The following ZCCHC4 variants were observed in gnomAD, a reference collection of about 807,000 sequenced individuals.
The protein encoded by ZCCHC4 is zinc finger CCHC-type containing 4.
A neutral mutation model predicts 67.7 loss-of-function variants in ZCCHC4; 54 were observed. The ratio of observed to expected loss-of-function variants is 0.80; its 90% CI spans 0.64 to 1.00. The LOEUF is 1.00. Among genes scored for constraint, ZCCHC4 ranks in the 50% least tolerant of loss-of-function variants. The probability of loss-of-function intolerance (pLI) is 0.00; values close to 1 mark genes in which losing one functional copy is unlikely to be tolerated. For synonymous variants in ZCCHC4, 198 were observed against 213.5 expected, an observed-to-expected ratio of 0.93 and a Z score of 0.63; for missense variants, 609 against 617.0, an observed-to-expected ratio of 0.99 and a Z score of 0.14.
At chr4:25,345,762 C>G in intron 6 of ZCCHC4, 142 bp downstream of exon 6, 1 of 625,062 alleles carries the variant, frequency 1.6e-6, no homozygotes. Context: ...TTTGTTCTTT[C>G]ACTGTTTATT....
intron 8 of ZCCHC4, chr4:25,352,106 G>C (rs1293325286): frequency 1.0e-6 from 1 of 987,776 alleles, no homozygotes; most frequent in Non-Finnish European, 1.2e-6. Context: ...CTTTGTGGTT[G>C]GTGAAATGCC....
At chr4:25,364,937 T>C in intron 11 of ZCCHC4, 85 bp from the exon 12 acceptor site, 3 of 1,562,578 alleles carry the variant, frequency 1.9e-6, no homozygotes, top group East Asian at 2.3e-5. Flanking sequence ...AAGTAAACAC[T>C]GTTCGTATAT....
At chr4:25,324,153 A>G (rs912705731) in intron 3 of ZCCHC4, among the ~76,000 whole-genome samples, 1 of 148,936 alleles carries the variant, frequency 6.7e-6, no homozygotes, top group Non-Finnish European at 1.5e-5. Context: ...CTGGGACTAC[A>G]GGTGCACACC....
chr4:25,357,925 A>G (rs975994626), intron 8 of ZCCHC4, among the ~76,000 whole-genome samples: 2 of 152,186 alleles, frequency 1.3e-5, no homozygotes, highest in Non-Finnish European at 2.9e-5. Flanking sequence ...TTGCATTCCT[A>G]ATGAGATCCC....
intron 10 of ZCCHC4, among the ~76,000 whole-genome samples, chr4:25,362,683 A>C (rs1047809727): frequency 3.3e-5 from 5 of 152,182 alleles, no homozygotes; most frequent in Non-Finnish European, 5.9e-5. Context: ...TGTACTGTGC[A>C]CTTTTAATAT....
intron 1 of ZCCHC4, among the ~76,000 whole-genome samples, chr4:25,313,447 C>T (rs368474141): frequency 6.6e-6 from 1 of 152,184 alleles, no homozygotes; most frequent in East Asian, 1.9e-4. Flanking sequence ...GTTTTAGTCT[C>T]AGGTTTGTAA....
At chr4:25,366,899 C>T (rs147533158) in intron 12 of ZCCHC4, among the ~76,000 whole-genome samples, 1 of 152,192 alleles carries the variant, frequency 6.6e-6, no homozygotes, top group Non-Finnish European at 1.5e-5. Context: ...AGGACTAGAT[C>T]TTATCAGGTT....
chr4:25,364,532 A>T (rs1479040838), intron 11 of ZCCHC4, 27 bp downstream of exon 11: 1 of 1,523,830 alleles, frequency 6.6e-7, no homozygotes, highest in Non-Finnish European at 8.8e-7. Context: ...AGTGTTTGAG[A>T]TCCTATGAAC....
intron 5 of ZCCHC4, 58 bp from the exon 6 acceptor site, chr4:25,345,490 T>A (rs935302748): frequency 3.2e-6 from 3 of 951,512 alleles, no homozygotes; most frequent in Non-Finnish European, 1.6e-6. Flanking sequence ...AAAATTTAGT[T>A]TATATTTGTC....
chr4:25,363,916 G>A (rs1406801167), intron 10 of ZCCHC4, among the ~76,000 whole-genome samples: 1 of 152,044 alleles, frequency 6.6e-6, no homozygotes, highest in Non-Finnish European at 1.5e-5. Context: ...CCAGAGGGCT[G>A]GTGGTATTTT....
rs1348592904 is a variant in ZCCHC4 at position 25,351,769 on chromosome 4, T to C, written c.1011+80T>C. ...ATAGATATAAGACTATTCATTGATT[T>C]TAGTAAAATACAATGAGCTGTATTA... On this transcript the variant is annotated intron_variant, in intron 8 of 12. Coordinates refer to ENST00000302874, the MANE Select transcript of ZCCHC4 (RefSeq NM_024936.3). 2.3e-6 allele frequency: 3 copies of C among 1,290,456 alleles called. No individual in the cohort carries two copies. In the African/African-American group the frequency reaches 4.5e-5, roughly 19 times the overall value. The allele number at this position is 1,290,456 out of a possible 1,614,324, so 79.9% of individuals were successfully genotyped here.
intron 10 of ZCCHC4, among the ~76,000 whole-genome samples, chr4:25,363,224 T>TA (rs1720822184): frequency 6.6e-6 from 1 of 152,246 alleles, no homozygotes; most frequent in African/African-American, 2.4e-5. Context: ...TTACTGTCTC[T>TA]ATAGTTTTTC....
Position 25,314,044 on chromosome 4 carries a change from A to G in ZCCHC4, c.128-2A>G. On this transcript the variant is annotated splice_acceptor_variant, in intron 1 of 12. Coordinates refer to ENST00000302874, the MANE Select transcript of ZCCHC4 (RefSeq NM_024936.3). LOFTEE classifies it high-confidence loss of function. The stretch of plus-strand genomic sequence containing the variant: ...TTTTTTTTTTTTCTATTCTGGAACT[A>G]GGACCCACTCTTCTGTTTGTAAAGG... 1 of 1,521,010 alleles carries G rather than the reference A, an allele frequency of 6.6e-7. No individual in the cohort carries two copies. The highest frequency in any genetic ancestry group is 9.0e-7 in the Non-Finnish European group (1 of 1,117,014). 94.2% of individuals were successfully genotyped at this position (1,521,010 alleles called of 1,614,324 possible). A position where few individuals can be genotyped will look rare whatever the true frequency, so the allele number is the denominator to read the frequency against.
intron 8 of ZCCHC4, among the ~76,000 whole-genome samples, chr4:25,356,186 G>C (rs1418572644): frequency 6.6e-6 from 1 of 152,126 alleles, no homozygotes; most frequent in Non-Finnish European, 1.5e-5. Flanking sequence ...AGTTCCATGG[G>C]AGAAATTTTC....
At chr4:25,367,549 G>A (rs1170890202) in intron 12 of ZCCHC4, among the ~76,000 whole-genome samples, 1 of 152,086 alleles carries the variant, frequency 6.6e-6, no homozygotes, top group Non-Finnish European at 1.5e-5. Context: ...ATTTCATTAA[G>A]TTTGCTAAAT....
intron 5 of ZCCHC4, among the ~76,000 whole-genome samples, chr4:25,335,767 AT>A (rs1223952712): frequency 6.6e-6 from 1 of 152,242 alleles, no homozygotes; most frequent in East Asian, 1.9e-4. Flanking sequence ...TCTCAAAAAA[AT>A]AAAATGAAGT....
At chr4:25,320,943 C>T (rs1463996719) in intron 3 of ZCCHC4, among the ~76,000 whole-genome samples, 1 of 152,106 alleles carries the variant, frequency 6.6e-6, no homozygotes, top group Non-Finnish European at 1.5e-5. Context: ...CACATCAGCC[C>T]CTCATTGCTT....
Position 25,312,787 on chromosome 4 carries a change from G to A in ZCCHC4, c.-23G>A, listed in dbSNP as rs761021335. ...CTCAGCATTCTTGTTTCGTACTGAGGCTTTCGGGACGGCGGCGGGAAGATG... is the reference window on the plus strand; with the variant it reads ...CTCAGCATTCTTGTTTCGTACTGAGACTTTCGGGACGGCGGCGGGAAGATG... On this transcript the variant is annotated 5_prime_UTR_variant, in exon 1 of 13. Transcript: ENST00000302874. 5 of 1,612,850 alleles carry A rather than the reference G, an allele frequency of 3.1e-6. No homozygotes were observed. Among genetic ancestry groups the A allele is most frequent in the Non-Finnish European group, 4.2e-6 (5 of 1,179,878 alleles).
intron 3 of ZCCHC4, among the ~76,000 whole-genome samples, chr4:25,319,680 A>T (rs1320506317): frequency 1.3e-5 from 2 of 152,102 alleles, no homozygotes; most frequent in African/African-American, 4.8e-5. Flanking sequence ...AATCAAAGGC[A>T]TAATAAATAA....
Sources: allele counts gnomAD v4.1 joint callset (sites outside exome capture counted in the v4.1 genomes callset), GRCh38; gene constraint gnomAD v4.1.1; transcripts MANE v1.5; gene names NCBI Gene and HGNC (gene_info 2026-07-23, HGNC 2026-07-21).